SH3RF2: variants seen among roughly 807,000 people sequenced by gnomAD.
The protein encoded by SH3RF2 is SH3 domain containing ring finger 2.
A neutral mutation model predicts 59.0 loss-of-function variants in SH3RF2; 43 were observed. The ratio of observed to expected loss-of-function variants is 0.73; its 90% CI spans 0.57 to 0.94. The LOEUF (loss-of-function observed/expected upper bound fraction) is 0.94, where lower values mean the gene tolerates loss of function less well. Among genes scored for constraint, SH3RF2 ranks in the 40% least tolerant of loss-of-function variants. The pLI, the probability that SH3RF2 is intolerant of heterozygous loss-of-function variation, is 0.00. For synonymous variants in SH3RF2, 391 were observed against 391.5 expected (o/e 1.00, Z 0.01); for missense variants, 930 against 940.1 (o/e 0.99, Z 0.14).
intron 2 of SH3RF2, among the ~76,000 whole-genome samples, chr5:145,964,314 T>G (rs943836001): frequency 1.7e-5 from 2 of 120,888 alleles, no homozygotes; most frequent in African/African-American, 1.1e-4. Flanking sequence ...CTTTCTTTCT[T>G]TTTTTTTTTT....
Position 146,013,856 on chromosome 5 carries a change from T to G in SH3RF2, c.854T>G (p.Leu285Arg), listed in dbSNP as rs201264624. 2.5e-5 allele frequency: 40 copies of G among 1,614,098 alleles called. No individual in the cohort carries two copies. The East Asian group carries it at 8.5e-4, about 34-fold the overall frequency. Reference sequence around the variant, plus strand: ...TCCTCCAGAGGCAACACGTCTACCCTCCGTAGGGGCCCAGGGTCCAGGAGG... The same window carrying G: ...TCCTCCAGAGGCAACACGTCTACCCGCCGTAGGGGCCCAGGGTCCAGGAGG... The part of the protein sequence containing the change: ...SSSSRGNTST[L>R]RRGPGSRRKV... Residue 285 changes from leucine (L) to arginine (R), a missense_variant, in exon 5 of 10, where the codon CTC becomes CGC. Coordinates refer to ENST00000359120, the MANE Select transcript of SH3RF2 (RefSeq NM_152550.4).
At chr5:146,022,923 A>ACACAC (rs1561747594) in intron 5 of SH3RF2, among the ~76,000 whole-genome samples, 1 of 146,068 alleles carries the variant, frequency 6.8e-6, no homozygotes, top group African/African-American at 2.6e-5. Flanking sequence ...ACACACACAC[A>ACACAC]ATTCCTTAAA....
In SH3RF2 at chr5:145,937,802, TCC is replaced by T; in HGVS notation, c.-106-20_-106-19del. ...CGGAGCAGTCACATTTTTTTTTCTC[TCC>T]TCTCCCTCCTTCAAGCAGGCAAAAA... On this transcript the variant is annotated intron_variant, in intron 1 of 9. Coordinates refer to ENST00000359120, the MANE Select transcript of SH3RF2 (RefSeq NM_152550.4). 8.9e-7 allele frequency: 1 copy of T among 1,124,822 alleles called. No individual in the cohort carries two copies. Among genetic ancestry groups the T allele is most frequent in the African/African-American group, 1.6e-5 (1 of 64,040 alleles). 69.7% of individuals were successfully genotyped at this position (1,124,822 alleles called of 1,614,324 possible).
At chr5:145,963,658 C>T (rs12659308) in intron 2 of SH3RF2, among the ~76,000 whole-genome samples, 17,955 of 152,036 alleles carry the variant, frequency 0.12, 1,244 homozygotes, top group Middle Eastern at 0.18. Context: ...GCTGATTAGA[C>T]ACCCAAATTC....
At chr5:145,967,773 C>T (rs893455314) in intron 2 of SH3RF2, among the ~76,000 whole-genome samples, 2 of 152,138 alleles carry the variant, frequency 1.3e-5, no homozygotes. Flanking sequence ...AATCCTCTTG[C>T]CTCAGCATCC....
At chr5:145,994,398 A>G (rs1760069161) in intron 2 of SH3RF2, among the ~76,000 whole-genome samples, 1 of 152,166 alleles carries the variant, frequency 6.6e-6, no homozygotes, top group African/African-American at 2.4e-5. Context: ...CTCTACTTGT[A>G]CCAATTTATT....
At chr5:145,964,027 T>A (rs898567201) in intron 2 of SH3RF2, among the ~76,000 whole-genome samples, 2 of 151,768 alleles carry the variant, frequency 1.3e-5, no homozygotes, top group Admixed American at 6.6e-5. Context: ...AGAGACGGGG[T>A]TTCACCGTGT....
chr5:145,963,818 CTTTCTTTT>C (rs1220607633), intron 2 of SH3RF2, among the ~76,000 whole-genome samples: 1 of 150,238 alleles, frequency 6.7e-6, no homozygotes, highest in Non-Finnish European at 1.5e-5. Flanking sequence ...TTCTTTCTTT[CTTTCTTTT>C]TTGTTTTTTT....
chr5:146,014,184 T>C (rs1761022334), intron 5 of SH3RF2, 123 bp downstream of exon 5: 1 of 915,834 alleles, frequency 1.1e-6, no homozygotes, highest in Non-Finnish European at 1.7e-6. Context: ...TAGTAACTAA[T>C]GCCATATGTA....
rs182755836 is a variant in SH3RF2 at position 146,051,130 on chromosome 5, G to A, written c.1322+1885G>A. Among the ~76,000 whole-genome samples the A allele has an allele frequency of 3.8e-3, 586 of 152,310 alleles. 3 individuals are homozygous for A. The highest frequency in any genetic ancestry group is 0.01 in the Middle Eastern group (3 of 294). ...GACACCTGTAATCCCAGCTACTGGGGAGGCTGGGGCAGGAGAATCGCTTCA... is the reference window on the plus strand; with the variant it reads ...GACACCTGTAATCCCAGCTACTGGGAAGGCTGGGGCAGGAGAATCGCTTCA... On this transcript the variant is annotated intron_variant, in intron 7 of 9. Transcript: ENST00000359120.
At chr5:146,023,795 T>C (rs781467753) in intron 5 of SH3RF2, among the ~76,000 whole-genome samples, 4 of 152,232 alleles carry the variant, frequency 2.6e-5, no homozygotes, top group African/African-American at 4.8e-5. Context: ...AACCATTAAG[T>C]TACTTTCTGT....
chr5:146,022,364 C>T (rs1217249895), intron 5 of SH3RF2, among the ~76,000 whole-genome samples: 2 of 152,258 alleles, frequency 1.3e-5, no homozygotes, highest in Non-Finnish European at 2.9e-5. Context: ...GGCACCACCA[C>T]GCCCAGCTAA....
intron 6 of SH3RF2, 44 bp downstream of exon 6, chr5:146,047,907 G>T: frequency 1.3e-6 from 2 of 1,574,246 alleles, no homozygotes; most frequent in Non-Finnish European, 1.7e-6. Context: ...TGGCACAAAG[G>T]GGTCATCTTT....
intron 2 of SH3RF2, among the ~76,000 whole-genome samples, chr5:145,994,288 G>T (rs1380070023): frequency 6.6e-6 from 1 of 152,146 alleles, no homozygotes; most frequent in African/African-American, 2.4e-5. Context: ...CCCACATTTT[G>T]CTGTCTTCTT....
intron 2 of SH3RF2, chr5:145,997,346 G>C (rs73312189): frequency 3.4e-5 from 39 of 1,158,210 alleles, no homozygotes; most frequent in Non-Finnish European, 4.8e-5. Flanking sequence ...CTGCACCACC[G>C]CTCCAGTCTA....
intron 2 of SH3RF2, among the ~76,000 whole-genome samples, chr5:145,945,344 A>T (rs900439090): frequency 6.6e-6 from 1 of 152,260 alleles, no homozygotes; most frequent in East Asian, 1.9e-4. Context: ...ATGCAATGGT[A>T]TATAGTTTTA....
intron 5 of SH3RF2, among the ~76,000 whole-genome samples, chr5:146,018,491 T>A (rs1761189217): frequency 6.6e-6 from 1 of 151,924 alleles, no homozygotes; most frequent in African/African-American, 2.4e-5. Context: ...TATCTATATA[T>A]CTATATATAG....
intron 2 of SH3RF2, among the ~76,000 whole-genome samples, chr5:145,969,473 A>G (rs1758987818): frequency 6.6e-6 from 1 of 152,174 alleles, no homozygotes; most frequent in Non-Finnish European, 1.5e-5. Context: ...TGCATCACTG[A>G]GTGGTGATGG....
chr5:146,041,602 G>A (rs1422220790), intron 5 of SH3RF2, among the ~76,000 whole-genome samples: 3 of 152,128 alleles, frequency 2.0e-5, no homozygotes, highest in African/African-American at 7.2e-5. Flanking sequence ...CTAGTGGTGG[G>A]TACAGAAACT....
Sources: gnomAD v4.1 joint callset for allele counts (sites outside exome capture counted in the v4.1 genomes callset) on GRCh38, gnomAD v4.1.1 for gene constraint, MANE v1.5 for transcripts, NCBI Gene and HGNC (gene_info 2026-07-23, HGNC 2026-07-21) for gene names.